Variants in WDR37 observed in about 807,000 individuals in gnomAD.
The protein encoded by WDR37 is WD repeat domain 37.
In WDR37, 19 loss-of-function variants were observed where a neutral mutation model predicts 62.9. That is an observed-to-expected ratio of 0.30 (90% confidence interval 0.21 to 0.44). WDR37 has a LOEUF of 0.44. Ranked by LOEUF, WDR37 falls within the 20% of genes least tolerant of loss-of-function variation. WDR37 has a pLI of 1.00. For synonymous variants in WDR37, 250 were observed against 260.9 expected (o/e 0.96, Z 0.40); for missense variants, 474 against 657.6 (o/e 0.72, Z 3.05).
chr10:1,096,401 C>A (rs1014981669), intron 9 of WDR37, 155 bp downstream of exon 9: 26 of 755,148 alleles, frequency 3.4e-5, no homozygotes, highest in Non-Finnish European at 4.7e-5. Context: ...GGAGATTGGG[C>A]CTCTAAGGTA....
Position 1,105,943 on chromosome 10 carries a change from G to A in WDR37, c.1103+676G>A, listed in dbSNP as rs935712801. On this transcript the variant is annotated intron_variant, in intron 11 of 13. Coordinates refer to ENST00000263150, the MANE Select transcript of WDR37 (RefSeq NM_014023.4). The surrounding 1 kb of genome is among the most constrained non-coding windows in gnomAD (Gnocchi z 5.3). The stretch of plus-strand genomic sequence containing the variant: ...TGGGACTAGAGGCACCTGCCACCAC[G>A]CCTGGCTAGTTTTTTGTATTTTTAG... Among the ~76,000 whole-genome samples the A allele has an allele frequency of 3.0e-4, 46 of 152,106 alleles. No homozygotes were observed. The highest frequency in any genetic ancestry group is 1.0e-3 in the African/African-American group (43 of 41,502).
chr10:1,084,342 C>G, intron 5 of WDR37, 61 bp from the exon 6 acceptor site: 1 of 1,584,418 alleles, frequency 6.3e-7, no homozygotes, highest in Admixed American at 1.7e-5. Context: ...TTTTCTCTTT[C>G]TTGACTTAGA....
intron 1 of WDR37, among the ~76,000 whole-genome samples, chr10:1,071,748 A>G (rs1231076597): frequency 3.9e-5 from 6 of 152,226 alleles, no homozygotes; most frequent in East Asian, 1.9e-4. Flanking sequence ...TTATATTCCT[A>G]TTGGACAGCA....
At chr10:1,074,671 A>C (rs957217174) in intron 2 of WDR37, among the ~76,000 whole-genome samples, 1 of 152,204 alleles carries the variant, frequency 6.6e-6, no homozygotes, top group African/African-American at 2.4e-5. Flanking sequence ...CGATCTCAGA[A>C]CAGGGAGGTG....
chr10:1,073,837 T>TA (rs1833791777), intron 2 of WDR37, among the ~76,000 whole-genome samples: 1 of 152,202 alleles, frequency 6.6e-6, no homozygotes, highest in South Asian at 2.1e-4. Flanking sequence ...CCTGTCATAC[T>TA]GGAGGGCCTT....
Position 1,064,304 on chromosome 10 carries a change from C to T in WDR37, c.-41+7336C>T, listed in dbSNP as rs573153569. Among the ~76,000 whole-genome samples the T allele has an allele frequency of 3.9e-4, 60 of 151,900 alleles. 1 individual carries two copies. In the South Asian group the frequency reaches 0.01, roughly 26 times the overall value. ...AAAAGTGAGCAGAGCCTCAGGGGCC[C>T]GTGGGACTTTAACAGAAGATGCAAC... On this transcript the variant is annotated intron_variant, in intron 1 of 13. Transcript: ENST00000263150.
Position 1,086,542 on chromosome 10 carries a change from C to G in WDR37, c.604+185C>G, listed in dbSNP as rs1039980648. Among the ~76,000 whole-genome samples, 10 of 152,196 alleles carry G rather than the reference C, an allele frequency of 6.6e-5. 1 individual carries two copies. Among genetic ancestry groups the G allele is most frequent in the African/African-American group, 2.4e-4 (10 of 41,436 alleles). On this transcript the variant is annotated intron_variant, in intron 7 of 13. Coordinates refer to ENST00000263150, the MANE Select transcript of WDR37 (RefSeq NM_014023.4). ...TCTTGAGCTTGTATGGGCTCAATAACAGGGAAAAGCTTAACTCCCTAAACA... is the reference window on the plus strand; with the variant it reads ...TCTTGAGCTTGTATGGGCTCAATAAGAGGGAAAAGCTTAACTCCCTAAACA...
chr10:1,122,440 G>A lies in WDR37; in HGVS notation c.1104-1778G>A, dbSNP rs1030460914. ...CTCTCTGAGAAGGCACTGCCCCTGC[G>A]TCTCAGGATCTGCCCACTCTGCCCT... On this transcript the variant is annotated intron_variant, in intron 11 of 13. Coordinates refer to ENST00000263150, the MANE Select transcript of WDR37 (RefSeq NM_014023.4). Among the ~76,000 whole-genome samples the A allele has an allele frequency of 7.2e-5, 11 of 152,190 alleles. No homozygotes were observed. The South Asian group carries it at 1.0e-3, about 14-fold the overall frequency.
intron 9 of WDR37, among the ~76,000 whole-genome samples, chr10:1,101,390 C>G (rs896399279): frequency 6.6e-6 from 1 of 152,224 alleles, no homozygotes; most frequent in Non-Finnish European, 1.5e-5. Flanking sequence ...CTGGGAGTGT[C>G]TGTGTCCTCA....
At chr10:1,086,457 G>A (rs1034191692) in intron 7 of WDR37, 100 bp downstream of exon 7, 60 of 928,776 alleles carry the variant, frequency 6.5e-5, no homozygotes, top group South Asian at 6.2e-4. Flanking sequence ...TGTGTAGGAA[G>A]CCTTACTGTT....
rs751734034 is a variant in WDR37, at chr10:1,072,161, C to T, written c.6C>T (p.Pro2=). M[P]TESASCSTAR... Reference sequence around the variant, plus strand: ...GACACTACCTCCTAGAAGTAATGCCCACAGAAAGCGCAAGTTGTTCGACTG... The same window carrying T: ...GACACTACCTCCTAGAAGTAATGCCTACAGAAAGCGCAAGTTGTTCGACTG... The change falls in exon 2 of 14, where the codon CCC becomes CCT. Residue 2 remains proline (P), a synonymous_variant. Transcript: ENST00000263150. The T allele has an allele frequency of 6.2e-7, 1 of 1,614,018 alleles. No homozygotes were observed. The highest frequency in any genetic ancestry group is 8.5e-7 in the Non-Finnish European group (1 of 1,179,992).
chr10:1,104,962 A>C (rs954586514), intron 10 of WDR37, among the ~76,000 whole-genome samples, 164 bp from the exon 11 acceptor site: 1 of 152,130 alleles, frequency 6.6e-6, no homozygotes, highest in African/African-American at 2.4e-5. Context: ...TCAGCTTCTG[A>C]GGGAAAACCT....
Position 1,124,915 on chromosome 10 carries a change from A to G in WDR37, c.1244A>G (p.Asn415Ser), listed in dbSNP as rs142252253. 177 of 1,614,150 alleles carry G rather than the reference A, an allele frequency of 1.1e-4. No individual in the cohort carries two copies. The highest frequency in any genetic ancestry group is 6.5e-4 in the South Asian group (59 of 91,076). ...CTTTTACCTCTTCTTTGCAGGATCA[A>G]TGTATGTGTCGGCCAAAAAATCATA... ...IRTDSAINRI[N>S]VCVGQKIIAL... Residue 415 changes from asparagine (N) to serine (S), a missense_variant, in exon 13 of 14, where the codon AAT (asparagine) becomes AGT (serine). Physicochemically the swap from Asn to Ser is conservative, Grantham distance 46. Coordinates refer to ENST00000263150, the MANE Select transcript of WDR37 (RefSeq NM_014023.4).
chr10:1,078,925 T>C (rs1833950527), intron 3 of WDR37, among the ~76,000 whole-genome samples: 1 of 152,230 alleles, frequency 6.6e-6, no homozygotes, highest in Non-Finnish European at 1.5e-5. Flanking sequence ...TGTTAAGCTG[T>C]TTTTCACTCT....
chr10:1,062,096 GGGAAAAAATGT>G (rs1268520789), intron 1 of WDR37, among the ~76,000 whole-genome samples: 5 of 151,856 alleles, frequency 3.3e-5, no homozygotes, highest in Non-Finnish European at 1.5e-5. Flanking sequence ...TACAGACACT[GGGAAAAAATGT>G]GGAGGGTGTG....
intron 13 of WDR37, 109 bp from the exon 14 acceptor site, chr10:1,129,104 T>C: frequency 6.8e-7 from 1 of 1,478,518 alleles, no homozygotes; most frequent in South Asian, 1.3e-5. Context: ...CCATGTTGTT[T>C]TCCTATAACT....
At chr10:1,057,553 T>G (rs551049112) in intron 1 of WDR37, among the ~76,000 whole-genome samples, 25 of 152,300 alleles carry the variant, frequency 1.6e-4, no homozygotes, top group Admixed American at 7.2e-4. Flanking sequence ...GTTCCCCTTT[T>G]GAAGACTTCC....
At chr10:1,114,236 C>G (rs1461350760) in intron 11 of WDR37, among the ~76,000 whole-genome samples, 2 of 152,146 alleles carry the variant, frequency 1.3e-5, no homozygotes, top group Non-Finnish European at 2.9e-5. Context: ...GGATTACAGG[C>G]GTGAGCCACC....
chr10:1,129,278 C>T lies in WDR37; in HGVS notation c.1419C>T (p.Thr473=). The T allele has an allele frequency of 1.2e-6, 2 of 1,614,154 alleles. No individual in the cohort carries two copies. The highest frequency in any genetic ancestry group is 1.7e-6 in the Non-Finnish European group (2 of 1,180,022). ...SEDHPVCNLF[T]CGFDRQAIGW... ...ACCACCCCGTGTGCAATCTGTTCAC[C>T]TGTGGGTTTGACCGGCAAGCCATTG... is the stretch of plus-strand genomic sequence containing the variant. The change falls in exon 14 of 14, where the codon ACC becomes ACT. Residue 473 remains threonine, a synonymous_variant. Coordinates refer to ENST00000263150, the MANE Select transcript of WDR37 (RefSeq NM_014023.4).
Sources: allele counts gnomAD v4.1 joint callset (sites outside exome capture counted in the v4.1 genomes callset), GRCh38; gene constraint gnomAD v4.1.1; non-coding constraint Gnocchi (gnomAD v3.1); transcripts MANE v1.5; gene names NCBI Gene and HGNC (gene_info 2026-07-23, HGNC 2026-07-21).